The following SNX24 variants were observed in gnomAD, a reference collection of about 807,000 sequenced individuals.
SNX24 encodes the protein sorting nexin 24.
In SNX24, 22 loss-of-function variants were observed where a neutral mutation model predicts 28.7. That is an observed-to-expected ratio of 0.77 (90% CI 0.55 to 1.10). The LOEUF is 1.10. Among genes scored for constraint, SNX24 ranks in the 50% least tolerant of loss-of-function variants. The probability of loss-of-function intolerance (pLI) is 0.00; values close to 1 mark genes in which losing one functional copy is unlikely to be tolerated. For synonymous variants in SNX24, 69 were observed against 71.5 expected (o/e 0.96, Z 0.18); for missense variants, 221 against 201.1 (o/e 1.10, Z -0.60).
chr5:123,000,140 C>T (rs746256585), intron 4 of SNX24, 134 bp downstream of exon 4: 17 of 655,880 alleles, frequency 2.6e-5, no homozygotes, highest in Non-Finnish European at 2.2e-5. Flanking sequence ...CTGCAGCACT[C>T]GCTCGCCCCC....
intron 4 of SNX24, 94 bp from the exon 5 acceptor site, chr5:123,001,308 GTCA>G: frequency 1.3e-6 from 1 of 778,590 alleles, no homozygotes; most frequent in Non-Finnish European, 2.2e-6. Context: ...TACCAATTCA[GTCA>G]TCTAATAATA....
chr5:122,868,391 A>T (rs154504), intron 1 of SNX24, among the ~76,000 whole-genome samples: 122,453 of 152,130 alleles, frequency 0.8, 50,062 homozygotes, highest in East Asian at 0.99. Flanking sequence ...GCATTCAGTC[A>T]CTACTAAGAC....
chr5:122,866,051 AT>A (rs1269577747), intron 1 of SNX24, among the ~76,000 whole-genome samples: 3 of 152,240 alleles, frequency 2.0e-5, no homozygotes, highest in Non-Finnish European at 4.4e-5. Context: ...TGTTTGCTGT[AT>A]ATACATACAT....
chr5:122,862,470 G>C (rs992047260), intron 1 of SNX24, among the ~76,000 whole-genome samples: 14 of 151,798 alleles, frequency 9.2e-5, no homozygotes, highest in Non-Finnish European at 1.3e-4. Flanking sequence ...GTACGTGGTG[G>C]CGGCGCCTGT....
chr5:122,868,555 T>G (rs908851633), intron 1 of SNX24, among the ~76,000 whole-genome samples: 1 of 152,160 alleles, frequency 6.6e-6, no homozygotes, highest in South Asian at 2.1e-4. Flanking sequence ...CCACGGATAC[T>G]TCAGGCACCA....
intron 1 of SNX24, among the ~76,000 whole-genome samples, chr5:122,878,686 T>C (rs1013499219): frequency 9.2e-5 from 14 of 152,170 alleles, no homozygotes; most frequent in Admixed American, 9.2e-4. Context: ...AGAAATATAA[T>C]GCTCACCGTT....
chr5:122,898,566 C>CT (rs1348089939), intron 1 of SNX24, among the ~76,000 whole-genome samples: 28 of 152,084 alleles, frequency 1.8e-4, no homozygotes, highest in Admixed American at 1.8e-3. Flanking sequence ...TTTTCTCCAT[C>CT]TTTGAGTTCT....
downstream of SNX24, among the ~76,000 whole-genome samples, chr5:123,012,671 C>G (rs541655291): frequency 6.6e-6 from 1 of 152,026 alleles, no homozygotes; most frequent in East Asian, 1.9e-4. Context: ...TATATTTTAC[C>G]ACAATAAAAA....
chr5:122,886,466 T>C (rs1756719669), intron 1 of SNX24, among the ~76,000 whole-genome samples: 1 of 152,206 alleles, frequency 6.6e-6, no homozygotes, highest in Non-Finnish European at 1.5e-5. Flanking sequence ...TTTTTGAATA[T>C]TTAATACAAA....
chr5:122,911,415 A>G (rs1757882758), intron 1 of SNX24, among the ~76,000 whole-genome samples: 1 of 151,992 alleles, frequency 6.6e-6, no homozygotes. Context: ...TCCGTTTTGT[A>G]GGTTGCCTGT....
At chr5:122,884,164 T>C (rs1272535471) in intron 1 of SNX24, among the ~76,000 whole-genome samples, 1 of 152,156 alleles carries the variant, frequency 6.6e-6, no homozygotes, top group East Asian at 1.9e-4. Context: ...TTGGTTCCTG[T>C]AGGAATCAGT....
chr5:122,975,261 C>G (rs756824076), intron 3 of SNX24, among the ~76,000 whole-genome samples: 1 of 152,186 alleles, frequency 6.6e-6, no homozygotes, highest in East Asian at 1.9e-4. Context: ...AACTTTAGCT[C>G]AATCCTCCTT....
intron 1 of SNX24, among the ~76,000 whole-genome samples, chr5:122,913,227 G>A (rs1757973712): frequency 6.6e-6 from 1 of 152,212 alleles, no homozygotes. Context: ...TGAGCTGTTG[G>A]GTACACCTCC....
At chr5:122,886,329 C>T (rs974281241) in intron 1 of SNX24, among the ~76,000 whole-genome samples, 13 of 152,088 alleles carry the variant, frequency 8.5e-5, no homozygotes, top group African/African-American at 2.4e-4. Context: ...ACATTTCTGT[C>T]ATCTTAATTT....
At chr5:122,847,162 G>T (rs1431254394) in intron 1 of SNX24, among the ~76,000 whole-genome samples, 1 of 152,120 alleles carries the variant, frequency 6.6e-6, no homozygotes, top group Non-Finnish European at 1.5e-5. Flanking sequence ...AGATGAAGTT[G>T]ATCTTACCGG....
chr5:122,978,408 T>C (rs185506289), intron 3 of SNX24, among the ~76,000 whole-genome samples: 1 of 152,366 alleles, frequency 6.6e-6, no homozygotes, highest in East Asian at 1.9e-4. Context: ...TAATTTCACA[T>C]GGCAGTGTAT....
At chr5:122,869,204 G>A (rs564140128) in intron 1 of SNX24, among the ~76,000 whole-genome samples, 1 of 152,318 alleles carries the variant, frequency 6.6e-6, no homozygotes, top group African/African-American at 2.4e-5. Flanking sequence ...TATTGAGCCT[G>A]AGCTAATAAA....
chr5:123,011,765 A>G (rs149028782), downstream of SNX24, among the ~76,000 whole-genome samples: 386 of 152,342 alleles, frequency 2.5e-3, 1 homozygote, highest in African/African-American at 8.9e-3. Flanking sequence ...GGGAAATGGT[A>G]TAACTTCTTC....
In SNX24 at chr5:122,977,661, A is replaced by C. The variant is rs375596205; in HGVS notation, c.250-22251A>C. 7.2e-5 allele frequency among the ~76,000 whole-genome samples: 11 copies of C among 152,348 alleles called. No homozygotes were observed. The East Asian group carries it at 1.4e-3, about 19-fold the overall frequency. The stretch of plus-strand genomic sequence containing the variant: ...CTGCTGGTTGACTCAAAGCTACTGC[A>C]CTTCTATAGTCATGCTGTTGCTGTT... On this transcript the variant is annotated intron_variant, in intron 3 of 6. Coordinates refer to ENST00000261369, the MANE Select transcript of SNX24 (RefSeq NM_014035.4).
Sources: allele counts gnomAD v4.1 joint callset (sites outside exome capture counted in the v4.1 genomes callset), GRCh38; gene constraint gnomAD v4.1.1; transcripts MANE v1.5; gene names NCBI Gene and HGNC (gene_info 2026-07-23, HGNC 2026-07-21).